The following CTNNA3 variants were observed in gnomAD, a reference collection of about 807,000 sequenced individuals.
The protein encoded by CTNNA3 is catenin alpha 3, also known as catenin alpha-3.
CTNNA3 carries 76 observed loss-of-function variants against 95.7 expected under a neutral mutation model. The ratio of observed to expected loss-of-function variants is 0.79; its 90% CI spans 0.66 to 0.96. The LOEUF (loss-of-function observed/expected upper bound fraction) is 0.96. Ranked by LOEUF, CTNNA3 falls within the 40% of genes least tolerant of loss-of-function variation. CTNNA3 has a pLI of 0.00. For missense variants in CTNNA3, 1,191 were observed against 1,089.8 expected (o/e 1.09, Z -1.31); for synonymous variants, 431 against 374.4 (o/e 1.15, Z -1.74).
At chr10:66,326,878 G>A (rs982381541) in intron 12 of CTNNA3, among the ~76,000 whole-genome samples, 7 of 152,040 alleles carry the variant, frequency 4.6e-5, no homozygotes, top group Non-Finnish European at 7.4e-5. Flanking sequence ...TTTTCAATAT[G>A]TGTTTTTAGT....
intron 13 of CTNNA3, among the ~76,000 whole-genome samples, chr10:66,269,026 A>G (rs897543748): frequency 1.3e-5 from 2 of 152,222 alleles, no homozygotes; most frequent in Non-Finnish European, 2.9e-5. Context: ...GTATTACAGC[A>G]AGTAGTATTT....
chr10:66,772,328 G>A lies in CTNNA3; in HGVS notation c.1128+3116C>T, dbSNP rs1840120355. ...TAATCCCAGCTACTTAGGAGGCTGA[G>A]GCAGGAGAATTGCCTGAACCTGGGA... On this transcript the variant is annotated intron_variant, in intron 8 of 17. Transcript: ENST00000433211. Among the ~76,000 whole-genome samples, 3 of 151,936 alleles carry A rather than the reference G, an allele frequency of 2.0e-5. No homozygotes were observed. The South Asian group carries it at 6.3e-4, about 32-fold the overall frequency.
At chr10:67,061,678 A>G (rs1302442113) in intron 7 of CTNNA3, among the ~76,000 whole-genome samples, 1 of 152,224 alleles carries the variant, frequency 6.6e-6, no homozygotes, top group African/African-American at 2.4e-5. Flanking sequence ...TGGTCAACAT[A>G]AAAGGGATGA....
chr10:66,627,094 C>T (rs887279669), intron 9 of CTNNA3, among the ~76,000 whole-genome samples: 2 of 152,112 alleles, frequency 1.3e-5, no homozygotes, highest in East Asian at 1.9e-4. Flanking sequence ...TGTGGGTTAG[C>T]GTAGGAAGTT....
At chr10:67,209,010 TTCTAAA>T (rs1254239461) in intron 6 of CTNNA3, among the ~76,000 whole-genome samples, 6 of 151,922 alleles carry the variant, frequency 3.9e-5, no homozygotes, top group African/African-American at 1.5e-4. Flanking sequence ...TCAAGAAAAC[TTCTAAA>T]TCTAATAATA....
At position 67,386,476 on chromosome 10, in the gene CTNNA3, C is replaced by T. The variant is rs949155071; in HGVS notation, c.579+135366G>A. Among the ~76,000 whole-genome samples, 27 of 152,098 alleles carry T rather than the reference C, an allele frequency of 1.8e-4. 1 individual carries two copies. Among genetic ancestry groups the T allele is most frequent in the African/African-American group, 6.3e-4 (26 of 41,406 alleles). ...CCCTCTCTTCAGATGGTAAAATGGG[C>T]GTTTCTCACATTCTTTTACCTAAGA... On this transcript the variant is annotated intron_variant, in intron 5 of 17. Transcript: ENST00000433211.
intron 14 of CTNNA3, among the ~76,000 whole-genome samples, chr10:66,093,859 C>T (rs1343389224): frequency 6.6e-6 from 1 of 151,998 alleles, no homozygotes; most frequent in Non-Finnish European, 1.5e-5. Flanking sequence ...CAAAATAAAG[C>T]CTCTCCTTAT....
At chr10:66,749,792 T>C (rs1395859549) in intron 9 of CTNNA3, among the ~76,000 whole-genome samples, 1 of 152,216 alleles carries the variant, frequency 6.6e-6, no homozygotes, top group African/African-American at 2.4e-5. Context: ...TGCCAAACTG[T>C]CTTCCAAAGT....
chr10:67,439,028 G>A (rs778486650), intron 5 of CTNNA3, among the ~76,000 whole-genome samples: 1 of 152,176 alleles, frequency 6.6e-6, no homozygotes, highest in Admixed American at 6.5e-5. Context: ...CTTAGAGCCA[G>A]TGGACTAGGG....
chr10:67,346,201 G>C (rs1230891910), intron 5 of CTNNA3, among the ~76,000 whole-genome samples: 1 of 152,006 alleles, frequency 6.6e-6, no homozygotes, highest in Non-Finnish European at 1.5e-5. Flanking sequence ...GTCTTTAAAA[G>C]CTTTGTAGTT....
intron 5 of CTNNA3, among the ~76,000 whole-genome samples, chr10:67,442,785 T>C (rs530976362): frequency 6.6e-6 from 1 of 152,110 alleles, no homozygotes; most frequent in South Asian, 2.1e-4. Context: ...TTTAACACCC[T>C]ACTTTCTTTT....
intron 5 of CTNNA3, among the ~76,000 whole-genome samples, chr10:67,372,014 G>A (rs551173475): frequency 6.6e-6 from 1 of 150,790 alleles, no homozygotes; most frequent in African/African-American, 2.4e-5. Flanking sequence ...TCTGTTGGCT[G>A]CATAAATGTC....
At chr10:66,695,913 G>A (rs1027308785) in intron 9 of CTNNA3, among the ~76,000 whole-genome samples, 5 of 35,758 alleles carry the variant, frequency 1.4e-4, no homozygotes, top group Admixed American at 8.0e-4. Flanking sequence ...TGAAAGAGAC[G>A]TAAGGGGGGG....
chr10:66,918,914 T>A (rs1846637353), intron 7 of CTNNA3, among the ~76,000 whole-genome samples: 1 of 151,966 alleles, frequency 6.6e-6, no homozygotes, highest in South Asian at 2.1e-4. Flanking sequence ...GGCGGGCAGA[T>A]CACAAGGTCA....
intron 7 of CTNNA3, among the ~76,000 whole-genome samples, chr10:66,824,787 G>A (rs111543891): frequency 3.3e-5 from 5 of 152,188 alleles, no homozygotes; most frequent in African/African-American, 9.6e-5. Context: ...AGTCATCGCC[G>A]TCTAAAGAAC....
intron 15 of CTNNA3, among the ~76,000 whole-genome samples, chr10:66,059,755 T>G (rs985935376): frequency 1.3e-5 from 2 of 152,088 alleles, no homozygotes; most frequent in African/African-American, 2.4e-5. Flanking sequence ...AAAATCTGTA[T>G]AAATTTAGTA....
chr10:67,527,005 T>C (rs574536929), intron 4 of CTNNA3, among the ~76,000 whole-genome samples: 74 of 152,260 alleles, frequency 4.9e-4, no homozygotes, highest in Non-Finnish European at 6.9e-4. Context: ...CGCTGTAATC[T>C]CAGCACTTTG....
chr10:67,689,690 T>C (rs374905006), intron 1 of CTNNA3, among the ~76,000 whole-genome samples: 17 of 152,188 alleles, frequency 1.1e-4, no homozygotes, highest in African/African-American at 3.9e-4. Flanking sequence ...CTGTCAACCC[T>C]CGGCTCAGCC....
chr10:65,941,781 C>T (rs1228609319), intron 17 of CTNNA3, among the ~76,000 whole-genome samples: 1 of 152,098 alleles, frequency 6.6e-6, no homozygotes, highest in Non-Finnish European at 1.5e-5. Context: ...TATCTTCCAC[C>T]TGTTGGAAAC....
Sources: gnomAD v4.1 joint callset for allele counts (sites outside exome capture counted in the v4.1 genomes callset) on GRCh38, gnomAD v4.1.1 for gene constraint, MANE v1.5 for transcripts, NCBI Gene and HGNC (gene_info 2026-07-23, HGNC 2026-07-21) for gene names.